SLC1A2: variants seen among roughly 807,000 people sequenced by gnomAD.
SLC1A2 encodes the protein solute carrier family 1 member 2.
SLC1A2 carries 15 observed loss-of-function variants against 48.8 expected under a neutral mutation model. The observed-to-expected ratio is 0.31, with a 90% confidence interval of 0.21 to 0.47. The LOEUF is 0.47. Among genes scored for constraint, SLC1A2 ranks in the 20% least tolerant of loss-of-function variants. The pLI, the probability that SLC1A2 is intolerant of heterozygous loss-of-function variation, is 0.99. For synonymous variants in SLC1A2, 279 were observed against 272.6 expected, an observed-to-expected ratio of 1.02 and a Z score of -0.23; for missense variants, 502 against 730.5, an observed-to-expected ratio of 0.69 and a Z score of 3.61.
intron 1 of SLC1A2, among the ~76,000 whole-genome samples, chr11:35,365,487 C>A (rs1372626220): frequency 1.3e-5 from 2 of 152,104 alleles, no homozygotes; most frequent in Non-Finnish European, 2.9e-5. Flanking sequence ...GGAACCCAAA[C>A]CAACACAGAA....
intron 6 of SLC1A2, among the ~76,000 whole-genome samples, chr11:35,297,543 A>C (rs1475195255): frequency 6.6e-6 from 1 of 152,174 alleles, no homozygotes; most frequent in Non-Finnish European, 1.5e-5. Flanking sequence ...GTTTATTGGA[A>C]AAAGGAATTG....
chr11:35,291,392 G>C (rs1446269150), intron 7 of SLC1A2: 4 of 151,928 alleles, frequency 2.6e-5, no homozygotes, highest in South Asian at 2.1e-4. Flanking sequence ...CTACCGAATA[G>C]CTGGGATTAT....
intron 1 of SLC1A2, among the ~76,000 whole-genome samples, chr11:35,362,588 A>G (rs1280039887): frequency 2.6e-5 from 4 of 152,326 alleles, no homozygotes; most frequent in South Asian, 2.1e-4. Flanking sequence ...AATTAATTCC[A>G]TCAATACATG....
At chr11:35,344,400 C>A (rs1287312552) in intron 1 of SLC1A2, among the ~76,000 whole-genome samples, 1 of 152,136 alleles carries the variant, frequency 6.6e-6, no homozygotes, top group Non-Finnish European at 1.5e-5. Flanking sequence ...ACAGCAAGTG[C>A]AAAGGCCTGA....
chr11:35,313,178 C>G (rs1050818611), intron 3 of SLC1A2, among the ~76,000 whole-genome samples: 2 of 152,016 alleles, frequency 1.3e-5, no homozygotes, highest in African/African-American at 4.8e-5. Flanking sequence ...TTTTAATGTC[C>G]TCACTTGGAA....
chr11:35,290,373 A>G (rs1214007394), intron 7 of SLC1A2, among the ~76,000 whole-genome samples: 2 of 152,192 alleles, frequency 1.3e-5, no homozygotes, highest in African/African-American at 4.8e-5. Context: ...TGCAGTTTAA[A>G]AAATGGTAGT....
chr11:35,285,962 A>G (rs1397862434), intron 8 of SLC1A2: 1 of 152,210 alleles, frequency 6.6e-6, no homozygotes, highest in East Asian at 1.9e-4. Flanking sequence ...TATTAAAAAG[A>G]TGATTGCAAA....
upstream of SLC1A2, chr11:35,419,571 C>G (rs577020440): frequency 1.3e-5 from 2 of 157,356 alleles, no homozygotes; most frequent in East Asian, 1.9e-4. This position sits in a 1 kb window ranked among gnomAD's most constrained non-coding sequence, Gnocchi z 5.4. Context: ...GCCGCCGCCT[C>G]GGGCAACTCC....
intron 1 of SLC1A2, among the ~76,000 whole-genome samples, chr11:35,331,120 C>T (rs917179463): frequency 6.6e-6 from 1 of 152,218 alleles, no homozygotes; most frequent in Admixed American, 6.5e-5. Context: ...GCAGCATGCT[C>T]AGCCAGACAC....
intron 5 of SLC1A2, among the ~76,000 whole-genome samples, 195 bp from the exon 6 acceptor site, chr11:35,301,840 C>A (rs1394192075): frequency 6.6e-6 from 1 of 152,188 alleles, no homozygotes; most frequent in Non-Finnish European, 1.5e-5. Context: ...ATTTCTTGAA[C>A]ACTTTCCACA....
In SLC1A2 at chr11:35,419,019, G is replaced by A; in HGVS notation, c.-53C>T. 1 of 1,518,620 alleles carries A rather than the reference G, an allele frequency of 6.6e-7. No homozygotes were observed. The highest frequency in any genetic ancestry group is 2.0e-5 in the Admixed American group (1 of 49,030). 94.1% of individuals were successfully genotyped at this position (1,518,620 alleles called of 1,614,324 possible). The stretch of plus-strand genomic sequence containing the variant: ...GCACTATCCGGCAGCTGTGGGCGAG[G>A]GAGAAAGCGGACGCCGGGGTGAGCG... On this transcript the variant is annotated 5_prime_UTR_variant, in exon 1 of 11. Coordinates refer to ENST00000278379, the MANE Select transcript of SLC1A2 (RefSeq NM_004171.4). This position sits in a 1 kb window ranked among gnomAD's most constrained non-coding sequence, Gnocchi z 5.4.
intron 1 of SLC1A2, among the ~76,000 whole-genome samples, chr11:35,362,412 G>A (rs1160675387): frequency 6.6e-6 from 1 of 152,130 alleles, no homozygotes; most frequent in African/African-American, 2.4e-5. Flanking sequence ...AGAATCCTGT[G>A]GCCTGCAGTG....
intron 1 of SLC1A2, among the ~76,000 whole-genome samples, chr11:35,367,306 G>A (rs747617459): frequency 5.3e-5 from 8 of 152,196 alleles, no homozygotes; most frequent in Non-Finnish European, 1.2e-4. Flanking sequence ...TCAAGATGAG[G>A]AACTTGACCC....
At chr11:35,411,170 T>C (rs1731492518) in intron 1 of SLC1A2, among the ~76,000 whole-genome samples, 1 of 152,212 alleles carries the variant, frequency 6.6e-6, no homozygotes, top group Non-Finnish European at 1.5e-5. Context: ...ATAGATTCAG[T>C]CTATAATTCC....
At chr11:35,344,320 C>T (rs545268006) in intron 1 of SLC1A2, among the ~76,000 whole-genome samples, 1 of 152,304 alleles carries the variant, frequency 6.6e-6, no homozygotes, top group South Asian at 2.1e-4. Flanking sequence ...CAGGAGGTGA[C>T]ATTTAACCAG....
chr11:35,311,925 G>C (rs200991363), intron 4 of SLC1A2, among the ~76,000 whole-genome samples: 1 of 7,072 alleles, frequency 1.4e-4, no homozygotes. Context: ...AGAGAGAGGC[G>C]GGGGGGGGGG....
chr11:35,405,945 T>G (rs1217865933), intron 1 of SLC1A2, among the ~76,000 whole-genome samples: 1 of 152,250 alleles, frequency 6.6e-6, no homozygotes, highest in Non-Finnish European at 1.5e-5. Context: ...GTCGTCTCTA[T>G]GCCCTTGCAT....
chr11:35,386,657 G>T (rs1854592494), intron 1 of SLC1A2, among the ~76,000 whole-genome samples: 1 of 152,276 alleles, frequency 6.6e-6, no homozygotes, highest in South Asian at 2.1e-4. Flanking sequence ...TTGATATATG[G>T]TTTAGGGATA....
In SLC1A2 at chr11:35,317,443, G is replaced by A. The variant is rs750357702; in HGVS notation, c.91C>T (p.Arg31Trp). Residue 31 changes from arginine to tryptophan, a missense_variant, in exon 2 of 11, where the codon CGG (arginine) becomes TGG (tryptophan). Arg to Trp is a moderately radical substitution (Grantham distance 101). Transcript: ENST00000278379. ...TCACACAGGCGCAGGCCCAGGTGCC[G>A]GTGCTTGGGTTCCTCTGAGCCAAGA... ...SHLGSEEPKHRHLGLRLCDKL... is the reference protein window; with the variant it reads ...SHLGSEEPKHWHLGLRLCDKL... The A allele has an allele frequency of 9.3e-6, 15 of 1,614,046 alleles. No homozygotes were observed. Among genetic ancestry groups the A allele is most frequent in the East Asian group, 4.5e-5 (2 of 44,896 alleles).
Sources: allele counts gnomAD v4.1 joint callset (sites outside exome capture counted in the v4.1 genomes callset), GRCh38; gene constraint gnomAD v4.1.1; non-coding constraint Gnocchi (gnomAD v3.1); transcripts MANE v1.5; gene names NCBI Gene and HGNC (gene_info 2026-07-23, HGNC 2026-07-21).